SLC9A7: variants seen among roughly 807,000 people sequenced by gnomAD.
The protein encoded by SLC9A7 is solute carrier family 9 member A7.
Under a neutral mutation model 52.6 loss-of-function variants are expected in SLC9A7, and 19 were observed. That is an observed-to-expected ratio of 0.36 (90% CI 0.25 to 0.53). The LOEUF is 0.53. SLC9A7 is among the 20% of genes least tolerant of loss of function. SLC9A7 has a pLI of 0.91. For synonymous variants in SLC9A7, 226 were observed against 252.1 expected, an observed-to-expected ratio of 0.90 and a Z score of 0.98; for missense variants, 455 against 597.9, an observed-to-expected ratio of 0.76 and a Z score of 2.49.
intron 14 of SLC9A7, among the ~76,000 whole-genome samples, chrX:46,622,056 T>A (rs1286496925): frequency 8.9e-6 from 1 of 111,974 alleles, no homozygotes; most frequent in Non-Finnish European, 1.9e-5. Flanking sequence ...GAGAAGCACA[T>A]AGACAAGAGA....
chrX:46,630,581 T>C (rs1001881366), intron 14 of SLC9A7, among the ~76,000 whole-genome samples: 5 of 111,673 alleles, frequency 4.5e-5, no homozygotes, highest in Admixed American at 1.9e-4. Flanking sequence ...ATCATAACTC[T>C]CCTTTCCCCA....
At chrX:46,725,108 T>C in intron 1 of SLC9A7, 1 of 580,134 alleles carries the variant, frequency 1.7e-6, no homozygotes, top group African/African-American at 2.2e-5. Context: ...CCTAGTCCCC[T>C]AGTCCCATAA....
intron 1 of SLC9A7, among the ~76,000 whole-genome samples, chrX:46,753,492 G>A (rs1403221640): frequency 8.9e-6 from 1 of 111,844 alleles, no homozygotes; most frequent in Non-Finnish European, 1.9e-5. Flanking sequence ...AGCCTTAAAA[G>A]GACATCTCAA....
At chrX:46,654,982 C>CTTTTTTTTTTTTTTTTTTTTTTTT (rs60881484) in intron 7 of SLC9A7, among the ~76,000 whole-genome samples, 11 of 83,617 alleles carry the variant, frequency 1.3e-4, no homozygotes, top group South Asian at 5.4e-4. Flanking sequence ...TTCTTTCTTT[C>CTTTTTTTTTTTTTTTTTTTTTTTT]TTTTTTTTTT....
intron 10 of SLC9A7, among the ~76,000 whole-genome samples, chrX:46,649,394 T>C (rs1216441768): frequency 8.9e-6 from 1 of 112,368 alleles, no homozygotes. Context: ...AGATCACTCA[T>C]AGGAATGAAC....
intron 1 of SLC9A7, among the ~76,000 whole-genome samples, chrX:46,758,455 G>A (rs782643811): frequency 5.7e-4 from 64 of 111,894 alleles, no homozygotes; most frequent in South Asian, 3.7e-3. Flanking sequence ...AGACGGAACC[G>A]GACCACCTCT....
chrX:46,613,519 C>T (rs1199331275), intron 15 of SLC9A7, 125 bp from the exon 16 acceptor site: 13 of 421,108 alleles, frequency 3.1e-5, no homozygotes, highest in Non-Finnish European at 5.3e-5. Context: ...TCGTACAACA[C>T]ACGAAATACT....
intron 1 of SLC9A7, among the ~76,000 whole-genome samples, chrX:46,748,975 AT>A (rs907196764): frequency 1.8e-5 from 2 of 111,995 alleles, no homozygotes; most frequent in African/African-American, 6.5e-5. Context: ...CAAAAAAAAA[AT>A]AAACAACTAC....
intron 15 of SLC9A7, among the ~76,000 whole-genome samples, chrX:46,620,180 G>T (rs1480842845): frequency 9.0e-6 from 1 of 111,574 alleles, no homozygotes; most frequent in African/African-American, 3.3e-5. Flanking sequence ...CAGCACCTTG[G>T]GAGGCTGAGG....
At chrX:46,731,956 G>A (rs753207011) in intron 1 of SLC9A7, among the ~76,000 whole-genome samples, 5 of 111,550 alleles carry the variant, frequency 4.5e-5, no homozygotes, top group South Asian at 3.7e-4. Context: ...GTGTGGTGGC[G>A]CATGCCTGTA....
In SLC9A7 at chrX:46,605,175, A is replaced by G. The variant is rs1187314351; in HGVS notation, c.*1777T>C. The G allele has an allele frequency of 1.0e-5, 1 of 97,145 alleles. No individual in the cohort carries two copies. Among genetic ancestry groups the G allele is most frequent in the Admixed American group, 1.1e-4 (1 of 8,945 alleles). 8.0% of individuals were successfully genotyped at this position (97,145 alleles called of 1,213,427 possible). A position where few individuals can be genotyped will look rare whatever the true frequency, so the allele number is the denominator to read the frequency against. On this transcript the variant is annotated 3_prime_UTR_variant, in exon 17 of 17. Transcript: ENST00000616978. The stretch of plus-strand genomic sequence containing the variant: ...CACTGCACTCCAGCCTGGGTGACAC[A>G]GCGAGACTCCATCTCAAAAAAAAAA...
intron 5 of SLC9A7, among the ~76,000 whole-genome samples, chrX:46,667,473 C>T (rs911576401): frequency 1.8e-4 from 20 of 110,969 alleles, no homozygotes; most frequent in African/African-American, 6.5e-4. Context: ...CCACATGTGG[C>T]TATATACATT....
intron 1 of SLC9A7, among the ~76,000 whole-genome samples, chrX:46,705,105 G>A (rs1357659616): frequency 8.9e-6 from 1 of 111,735 alleles, no homozygotes; most frequent in Admixed American, 9.6e-5. Flanking sequence ...CTTAGCATGA[G>A]GTAGGAAAGT....
At position 46,669,592 on chromosome X, in the gene SLC9A7, C is replaced by G; in HGVS notation, c.793+15G>C. The G allele has an allele frequency of 1.0e-6, 1 of 967,343 alleles. No individual in the cohort carries two copies. Among genetic ancestry groups the G allele is most frequent in the Non-Finnish European group, 1.4e-6 (1 of 699,382 alleles). The allele number at this position is 967,343 out of a possible 1,213,427, so 79.7% of individuals were successfully genotyped here. On this transcript the variant is annotated intron_variant, in intron 5 of 16. Transcript: ENST00000616978. ...AATATCATAATAATAAAGACAAATA[C>G]ACAAAGCCAAATACCTGGGTCAGTG... is the stretch of plus-strand genomic sequence containing the variant.
intron 1 of SLC9A7, among the ~76,000 whole-genome samples, chrX:46,704,810 G>A (rs920348713): frequency 9.0e-6 from 1 of 110,901 alleles, no homozygotes; most frequent in Non-Finnish European, 1.9e-5. Flanking sequence ...AGGCCTGGCC[G>A]GGACACAGTA....
chrX:46,634,841 C>T (rs773994072), intron 13 of SLC9A7, among the ~76,000 whole-genome samples: 17 of 111,467 alleles, frequency 1.5e-4, no homozygotes, highest in African/African-American at 5.2e-4. Flanking sequence ...CTCACAGTGC[C>T]GAGAACAGAG....
chrX:46,658,773 C>T, intron 7 of SLC9A7, among the ~76,000 whole-genome samples: 1 of 111,333 alleles, frequency 9.0e-6, no homozygotes, highest in East Asian at 2.8e-4. Flanking sequence ...GATGGATTCA[C>T]AGCCAAATTC....
At chrX:46,729,943 G>A (rs1368128404) in intron 1 of SLC9A7, among the ~76,000 whole-genome samples, 1 of 111,251 alleles carries the variant, frequency 9.0e-6, no homozygotes, top group East Asian at 2.8e-4. Context: ...TGATATTTTG[G>A]TTTGGATAAA....
At chrX:46,716,084 T>A (rs1944764066) in intron 1 of SLC9A7, among the ~76,000 whole-genome samples, 1 of 111,335 alleles carries the variant, frequency 9.0e-6, no homozygotes, top group African/African-American at 3.3e-5. Flanking sequence ...ATTTTATAAA[T>A]CAAGATGTTG....
Sources: gnomAD v4.1 joint callset for allele counts (sites outside exome capture counted in the v4.1 genomes callset) on GRCh38, gnomAD v4.1.1 for gene constraint, MANE v1.5 for transcripts, NCBI Gene and HGNC (gene_info 2026-07-23, HGNC 2026-07-21) for gene names.